Variants in PTPN3 observed in about 807,000 individuals in gnomAD.
The protein encoded by PTPN3 is tyrosine-protein phosphatase non-receptor type 3.
A neutral mutation model predicts 132.7 loss-of-function variants in PTPN3; 96 were observed. The observed-to-expected ratio is 0.72, with a 90% CI of 0.61 to 0.86. PTPN3 has a LOEUF of 0.86. Ranked by LOEUF, PTPN3 falls within the 40% of genes least tolerant of loss-of-function variation. The probability of loss-of-function intolerance (pLI) is 0.00; values close to 1 mark genes in which losing one functional copy is unlikely to be tolerated. For missense variants in PTPN3, 1,125 were observed against 1,159.6 expected (o/e 0.97, Z 0.43); for synonymous variants, 398 against 429.0 (o/e 0.93, Z 0.89).
the PTPN3 span, among the ~76,000 whole-genome samples, chr9:109,509,983 G>A: frequency 6.6e-6 from 1 of 152,196 alleles, no homozygotes; most frequent in Non-Finnish European, 1.5e-5. Flanking sequence ...TACCCACAAG[G>A]AAATGGGGAT....
At chr9:109,495,106 G>C (rs1847618869) in intron 1 of PTPN3, among the ~76,000 whole-genome samples, 2 of 152,156 alleles carry the variant, frequency 1.3e-5, no homozygotes, top group South Asian at 4.1e-4. Flanking sequence ...CAAGAGCAGT[G>C]TGGACACTGA....
intron 18 of PTPN3, 148 bp downstream of exon 18, chr9:109,406,314 A>G: frequency 9.1e-7 from 1 of 1,102,468 alleles, no homozygotes; most frequent in Non-Finnish European, 1.3e-6. Context: ...TCAAGTGAGA[A>G]GCCAAACATT....
At chr9:109,500,054 TTC>T (rs1448582387), upstream of PTPN3, among the ~76,000 whole-genome samples, 3 of 152,250 alleles carry the variant, frequency 2.0e-5, no homozygotes, top group Admixed American at 2.0e-4. Flanking sequence ...GCAGGAGGCA[TTC>T]TCTGTCCTTT....
chr9:109,468,555 A>G (rs1846216792), intron 1 of PTPN3, among the ~76,000 whole-genome samples: 1 of 152,118 alleles, frequency 6.6e-6, no homozygotes, highest in Non-Finnish European at 1.5e-5. Flanking sequence ...TTTAGTAGAG[A>G]CAGGGTTTCA....
At chr9:109,524,028 T>C in the PTPN3 span, among the ~76,000 whole-genome samples, 31 of 152,122 alleles carry the variant, frequency 2.0e-4, no homozygotes, top group Admixed American at 1.3e-4. Flanking sequence ...GGAGGATTGC[T>C]AGAGCCCAGG....
chr9:109,398,485 G>C (rs1840778358), intron 19 of PTPN3, among the ~76,000 whole-genome samples: 1 of 152,156 alleles, frequency 6.6e-6, no homozygotes, highest in Non-Finnish European at 1.5e-5. Context: ...GTAAAAACAG[G>C]GGCCAGAAGA....
chr9:109,394,453 C>T (rs1331820330), intron 19 of PTPN3, among the ~76,000 whole-genome samples: 3 of 149,196 alleles, frequency 2.0e-5, no homozygotes, highest in Non-Finnish European at 4.4e-5. Flanking sequence ...GCAGTGTTTA[C>T]ATTTTTTTTT....
In PTPN3 at chr9:109,382,298, A is replaced by G; in HGVS notation, c.2528+4T>C. ...CAAACCTAACAAAACAGCAAGCGCC[A>G]TACCTGCAGTGAACTAGGACGGGCT... is the stretch of plus-strand genomic sequence containing the variant. On this transcript the variant is annotated splice_donor_region_variant and intron_variant, in intron 24 of 25. Coordinates refer to ENST00000374541, the MANE Select transcript of PTPN3 (RefSeq NM_002829.4). The G allele has an allele frequency of 1.2e-6, 2 of 1,613,752 alleles. No homozygotes were observed. Among genetic ancestry groups the G allele is most frequent in the Non-Finnish European group, 1.7e-6 (2 of 1,179,772 alleles).
chr9:109,504,857 A>G, the PTPN3 span, among the ~76,000 whole-genome samples: 10 of 152,344 alleles, frequency 6.6e-5, no homozygotes, highest in East Asian at 1.5e-3. Context: ...GGCGTCCTGA[A>G]CTGCAGCTGA....
At chr9:109,406,367 A>G (rs1173718541) in intron 18 of PTPN3, 95 bp downstream of exon 18, 1 of 1,397,456 alleles carries the variant, frequency 7.2e-7, no homozygotes. Context: ...TGTTGGCTAC[A>G]AACTCAACAT....
the PTPN3 span, among the ~76,000 whole-genome samples, chr9:109,514,894 C>A: frequency 6.6e-6 from 1 of 152,186 alleles, no homozygotes; most frequent in Non-Finnish European, 1.5e-5. Context: ...GCCCAGTAAA[C>A]CATTGGTCCC....
At chr9:109,429,058 G>A (rs775681318) in intron 10 of PTPN3, 42 of 985,258 alleles carry the variant, frequency 4.3e-5, no homozygotes, top group African/African-American at 7.0e-5. Flanking sequence ...GACCTGGTCC[G>A]AACCCCAGCT....
rs200171034 is a variant in PTPN3 at position 109,437,013 on chromosome 9, G to C, written c.588-43C>G. 1.2e-5 allele frequency: 20 copies of C among 1,611,214 alleles called. 1 individual carries two copies. The South Asian group carries it at 1.8e-4, about 14-fold the overall frequency. ...AAAAGCAGAGTTCATCCAATAAAGA[G>C]AGGGCATTAACTCCAATTTTAAAAA... is the stretch of plus-strand genomic sequence containing the variant. On this transcript the variant is annotated intron_variant, in intron 8 of 25. Coordinates refer to ENST00000374541, the MANE Select transcript of PTPN3 (RefSeq NM_002829.4).
chr9:109,480,817 A>G (rs1390211102), intron 1 of PTPN3, among the ~76,000 whole-genome samples: 1 of 152,200 alleles, frequency 6.6e-6, no homozygotes, highest in East Asian at 1.9e-4. Context: ...CTGAGTCTTT[A>G]AAATCTCACC....
intron 18 of PTPN3, 138 bp downstream of exon 18, chr9:109,406,324 T>G (rs571345920): frequency 8.5e-6 from 10 of 1,177,390 alleles, no homozygotes; most frequent in Admixed American, 4.7e-5. Context: ...AGCCAAACAT[T>G]CGGTTATTAC....
rs34467165 is a variant in PTPN3, at chr9:109,394,530, C to T, written c.1954-2969G>A. ...CGATCTCAGCTCACTGCAACCTCTGCCTCCAAGGCTCAAGTGGTTCTCATG... is the reference window on the plus strand; with the variant it reads ...CGATCTCAGCTCACTGCAACCTCTGTCTCCAAGGCTCAAGTGGTTCTCATG... On this transcript the variant is annotated intron_variant, in intron 19 of 25. Transcript: ENST00000374541. 4.5e-3 allele frequency among the ~76,000 whole-genome samples: 683 copies of T among 151,914 alleles called. 2 individuals are homozygous for T. The highest frequency in any genetic ancestry group is 6.3e-3 in the Non-Finnish European group (431 of 67,984).
At chr9:109,506,502 T>C in the PTPN3 span, among the ~76,000 whole-genome samples, 1 of 150,056 alleles carries the variant, frequency 6.7e-6, no homozygotes, top group African/African-American at 2.4e-5. Context: ...CTACCTTCTT[T>C]CCTTCCTTCC....
the PTPN3 span, among the ~76,000 whole-genome samples, chr9:109,510,576 A>AAAAAAAAAAATATATATAT: frequency 2.1e-5 from 1 of 47,330 alleles, no homozygotes; most frequent in African/African-American, 7.5e-5. Context: ...AAAAAAAAAA[A>AAAAAAAAAAATATATATAT]ATATATATAT....
chr9:109,476,467 G>A (rs2132088229), intron 1 of PTPN3, among the ~76,000 whole-genome samples: 1 of 152,312 alleles, frequency 6.6e-6, no homozygotes, highest in South Asian at 2.1e-4. Flanking sequence ...TGTCATTGCT[G>A]CTGTTGATGC....
Sources: allele counts gnomAD v4.1 joint callset (sites outside exome capture counted in the v4.1 genomes callset), GRCh38; gene constraint gnomAD v4.1.1; transcripts MANE v1.5; gene names NCBI Gene and HGNC (gene_info 2026-07-23, HGNC 2026-07-21).